The following CACNB2 variants were observed in gnomAD, a reference collection of about 807,000 sequenced individuals.
CACNB2 encodes calcium voltage-gated channel auxiliary subunit beta 2, also known as voltage-dependent L-type calcium channel subunit beta-2.
A neutral mutation model predicts 73.3 loss-of-function variants in CACNB2; 42 were observed. The ratio of observed to expected loss-of-function variants is 0.57; its 90% CI spans 0.45 to 0.74. The LOEUF is 0.74. Among genes scored for constraint, CACNB2 ranks in the 30% least tolerant of loss-of-function variants. The pLI is 0.00. For missense variants in CACNB2, 940 were observed against 853.0 expected (o/e 1.10, Z -1.27); for synonymous variants, 348 against 310.3 (o/e 1.12, Z -1.28).
intron 2 of CACNB2, among the ~76,000 whole-genome samples, chr10:18,291,274 C>T (rs1010459285): frequency 6.6e-6 from 1 of 152,178 alleles, no homozygotes; most frequent in Non-Finnish European, 1.5e-5. Flanking sequence ...CCCACATGCT[C>T]CTTGCTCTCA....
intron 2 of CACNB2, among the ~76,000 whole-genome samples, chr10:18,315,381 C>T (rs992796311): frequency 6.6e-6 from 1 of 150,794 alleles, no homozygotes; most frequent in African/African-American, 2.4e-5. Context: ...AAACAGTGGG[C>T]CAGTCACTGT....
intron 3 of CACNB2, among the ~76,000 whole-genome samples, chr10:18,475,816 G>A (rs1487082976): frequency 6.6e-6 from 1 of 152,102 alleles, no homozygotes; most frequent in Non-Finnish European, 1.5e-5. Flanking sequence ...TCTTTAATAT[G>A]TGGGAACTGG....
intron 2 of CACNB2, among the ~76,000 whole-genome samples, chr10:18,349,074 C>T (rs934043962): frequency 1.3e-5 from 2 of 152,222 alleles, no homozygotes; most frequent in African/African-American, 4.8e-5. Context: ...GAGCTGTGAT[C>T]GTGCTTCTGC....
At chr10:18,520,420 C>G (rs974769783) in intron 9 of CACNB2, among the ~76,000 whole-genome samples, 2 of 152,086 alleles carry the variant, frequency 1.3e-5, no homozygotes, top group Admixed American at 6.5e-5. Context: ...CCATTTTGGT[C>G]TGAGACATCT....
At chr10:18,194,147 G>T (rs1458509374) in intron 2 of CACNB2, among the ~76,000 whole-genome samples, 8 of 152,054 alleles carry the variant, frequency 5.3e-5, no homozygotes, top group Non-Finnish European at 1.0e-4. Context: ...TCACTGCTGT[G>T]GTTCCTTTCC....
rs570172039 is a variant in CACNB2 at position 18,220,778 on chromosome 10, G to A, written c.213+69803G>A. ...ACCCTACTGTGAACTGCACGTGTCA[G>A]GGATCCAGGTTGCGCGTTCCTTATG... On this transcript the variant is annotated intron_variant, in intron 2 of 13. Coordinates refer to ENST00000324631, the MANE Select transcript of CACNB2 (RefSeq NM_201596.3). 2.6e-4 allele frequency among the ~76,000 whole-genome samples: 39 copies of A among 152,250 alleles called. No individual in the cohort carries two copies. The East Asian group carries it at 6.8e-3, about 26-fold the overall frequency.
intron 9 of CACNB2, among the ~76,000 whole-genome samples, chr10:18,521,057 A>G (rs2051831068): frequency 6.6e-6 from 1 of 152,248 alleles, no homozygotes; most frequent in African/African-American, 2.4e-5. Flanking sequence ...AGCAGTGGCC[A>G]GATGAATTTT....
At chr10:18,270,814 C>T (rs1459696362) in intron 2 of CACNB2, among the ~76,000 whole-genome samples, 2 of 152,182 alleles carry the variant, frequency 1.3e-5, no homozygotes, top group Non-Finnish European at 2.9e-5. Context: ...AAGTTTCTTT[C>T]ATTCCCTTTT....
intron 3 of CACNB2, among the ~76,000 whole-genome samples, chr10:18,458,497 G>A (rs1377392668): frequency 6.6e-6 from 1 of 152,072 alleles, no homozygotes; most frequent in Admixed American, 6.6e-5. Flanking sequence ...AATACATGCT[G>A]GGTACATACA....
At chr10:18,479,777 G>A (rs1054522917) in intron 3 of CACNB2, among the ~76,000 whole-genome samples, 2 of 152,282 alleles carry the variant, frequency 1.3e-5, no homozygotes, top group Admixed American at 1.3e-4. Context: ...GGTCATGATT[G>A]TAAGTTTCCT....
At chr10:18,240,489 C>A (rs976842838) in intron 2 of CACNB2, among the ~76,000 whole-genome samples, 1 of 152,114 alleles carries the variant, frequency 6.6e-6, no homozygotes, top group Admixed American at 6.6e-5. Context: ...CCAGGTCGCT[C>A]ACTATTAATC....
chr10:18,329,504 GA>G (rs11413915), intron 2 of CACNB2, among the ~76,000 whole-genome samples: 2,101 of 112,492 alleles, frequency 0.019, 44 homozygotes, highest in Admixed American at 0.07. Context: ...AGTAAAAAAA[GA>G]AAAAAAAAAA....
chr10:18,404,259 T>A (rs1035021183), intron 3 of CACNB2, among the ~76,000 whole-genome samples: 1 of 152,188 alleles, frequency 6.6e-6, no homozygotes, highest in East Asian at 1.9e-4. Context: ...AAGATGAGCA[T>A]TGAATTTTCC....
chr10:18,527,536 C>A, intron 9 of CACNB2, 52 bp from the exon 10 acceptor site: 1 of 1,181,740 alleles, frequency 8.5e-7, no homozygotes, highest in Non-Finnish European at 1.3e-6. Flanking sequence ...CTTCTATCCC[C>A]TTTGATTAGA....
intron 2 of CACNB2, among the ~76,000 whole-genome samples, chr10:18,375,154 G>C: frequency 6.6e-6 from 1 of 152,104 alleles, no homozygotes; most frequent in Non-Finnish European, 1.5e-5. Context: ...TGAGGCTACA[G>C]TGAGCCATGA....
intron 2 of CACNB2, among the ~76,000 whole-genome samples, chr10:18,191,348 T>A (rs746042323): frequency 1.3e-5 from 2 of 152,200 alleles, no homozygotes; most frequent in African/African-American, 2.4e-5. Flanking sequence ...CTGCCCCCCG[T>A]GTATTGCTGC....
intron 2 of CACNB2, among the ~76,000 whole-genome samples, chr10:18,221,504 C>A (rs901835719): frequency 3.9e-5 from 6 of 152,064 alleles, no homozygotes; most frequent in Non-Finnish European, 1.5e-5. Context: ...CATGGTGAAG[C>A]CCTGTCTCTA....
At chr10:18,407,719 T>C (rs954868486) in intron 3 of CACNB2, among the ~76,000 whole-genome samples, 1 of 152,180 alleles carries the variant, frequency 6.6e-6, no homozygotes, top group African/African-American at 2.4e-5. Flanking sequence ...TTTCTCCATC[T>C]TTTTGTTGTA....
At chr10:18,311,506 AC>A (rs1017054314) in intron 2 of CACNB2, among the ~76,000 whole-genome samples, 4 of 152,346 alleles carry the variant, frequency 2.6e-5, no homozygotes, top group African/African-American at 9.6e-5. Flanking sequence ...CAGAAGCTTT[AC>A]CAAGAACATC....
Sources: gnomAD v4.1 joint callset for allele counts (sites outside exome capture counted in the v4.1 genomes callset) on GRCh38, gnomAD v4.1.1 for gene constraint, MANE v1.5 for transcripts, NCBI Gene and HGNC (gene_info 2026-07-23, HGNC 2026-07-21) for gene names.